The following ATM variants were observed in gnomAD, a reference collection of about 807,000 sequenced individuals.
The protein encoded by ATM is serine-protein kinase ATM.
A neutral mutation model predicts 387.0 loss-of-function variants in ATM; 308 were observed. That is an observed-to-expected ratio of 0.80 (90% CI 0.73 to 0.87). The LOEUF is 0.87. ATM is among the 40% of genes least tolerant of loss of function. The pLI, the probability that ATM is intolerant of heterozygous loss-of-function variation, is 0.00. For synonymous variants in ATM, 1,156 were observed against 1,187.3 expected (o/e 0.97, Z 0.54); for missense variants, 3,312 against 3,560.9 (o/e 0.93, Z 1.78).
At chr11:108,235,972 A>G (rs1209130556) in intron 5 of ATM, 138 bp downstream of exon 5, 4 of 911,968 alleles carry the variant, frequency 4.4e-6, no homozygotes, top group Non-Finnish European at 7.0e-6. Context: ...TTATATGGTT[A>G]TCGAACTGAC....
At position 108,325,438 on chromosome 11, in the gene ATM, T is replaced by A. The variant is rs1158183992; in HGVS notation, c.6701T>A (p.Leu2234Gln). ...MALRTVILEI[L>Q]MEKEMDNSQR... ...CTACGCACAGTCATTTTGGAGATCC[T>A]GATGGAAAAGGAAATGGACAACTCA... is the stretch of plus-strand genomic sequence containing the variant. Residue 2234 changes from leucine (L) to glutamine (Q), a missense_variant, in exon 46 of 63, where the codon CTG becomes CAG. Coordinates refer to ENST00000675843, the MANE Select transcript of ATM (RefSeq NM_000051.4). The A allele has an allele frequency of 1.2e-6, 2 of 1,613,598 alleles. No individual in the cohort carries two copies. The highest frequency in any genetic ancestry group is 2.7e-5 in the African/African-American group (2 of 74,876).
At chr11:108,310,659 T>G (rs1038190371) in intron 39 of ATM, among the ~76,000 whole-genome samples, 3 of 152,184 alleles carry the variant, frequency 2.0e-5, no homozygotes, top group Admixed American at 1.3e-4. Context: ...TTAAATTATT[T>G]CCTAACTTCA....
chr11:108,289,986 T>TGAGG, intron 29 of ATM, 185 bp downstream of exon 29: 1 of 558,666 alleles, frequency 1.8e-6, no homozygotes, highest in Non-Finnish European at 3.1e-6. Flanking sequence ...CCCTGCCGGG[T>TGAGG]AGCTGGGGCT....
chr11:108,286,570 A>T (rs1467477487), intron 26 of ATM, among the ~76,000 whole-genome samples: 3 of 152,130 alleles, frequency 2.0e-5, no homozygotes, highest in South Asian at 2.1e-4. Context: ...CTGATTGGTT[A>T]TAGGAGGGGA....
At chr11:108,297,940 G>A (rs531327090) in intron 33 of ATM, among the ~76,000 whole-genome samples, 1 of 152,222 alleles carries the variant, frequency 6.6e-6, no homozygotes, top group African/African-American at 2.4e-5. Context: ...CTTGTTTTTA[G>A]AGTTAAGTTG....
intron 37 of ATM, among the ~76,000 whole-genome samples, chr11:108,305,409 G>A (rs4988046): frequency 3.3e-5 from 5 of 152,018 alleles, no homozygotes; most frequent in South Asian, 2.1e-4. Flanking sequence ...GTGAAACCCC[G>A]TCCCTACTAA....
rs569919428 is a variant in ATM, at chr11:108,292,596, G to T, written c.4437-23G>T. The T allele has an allele frequency of 1.7e-5, 26 of 1,568,036 alleles. No homozygotes were observed. The East Asian group carries it at 4.4e-4, about 26-fold the overall frequency. The stretch of plus-strand genomic sequence containing the variant: ...TTTCCAGAACTTACTGGTTGTTGTT[G>T]TTTTTTTTTCTCCCTATATTAGGCC... On this transcript the variant is annotated intron_variant, in intron 29 of 62. Transcript: ENST00000675843.
chr11:108,272,389 T>A, intron 20 of ATM, 143 bp from the exon 21 acceptor site: 1 of 710,550 alleles, frequency 1.4e-6, no homozygotes, highest in Non-Finnish European at 2.4e-6. Flanking sequence ...GCAAGGTGAG[T>A]ATGTTGGCAT....
At chr11:108,282,651 C>A (rs2135684598) in intron 24 of ATM, 59 bp from the exon 25 acceptor site, 1 of 1,482,870 alleles carries the variant, frequency 6.7e-7, no homozygotes, top group Non-Finnish European at 9.4e-7. Flanking sequence ...TATTAACAAG[C>A]ATTTAAATGA....
At chr11:108,308,087 G>A in intron 38 of ATM, 103 bp downstream of exon 38, 1 of 1,077,534 alleles carries the variant, frequency 9.3e-7, no homozygotes. Context: ...GTGTTGCAAA[G>A]TGTTATATTT....
In ATM at chr11:108,281,106, G is replaced by T. The variant is rs779946941; in HGVS notation, c.3514G>T (p.Ala1172Ser). The T allele has an allele frequency of 6.2e-7, 1 of 1,613,824 alleles. No individual in the cohort carries two copies. Among genetic ancestry groups the T allele is most frequent in the African/African-American group, 1.3e-5 (1 of 74,884 alleles). The change falls in exon 24 of 63, where the codon GCT becomes TCT. Residue 1172 changes from alanine to serine, a missense_variant. Ala to Ser is a moderately conservative substitution (Grantham distance 99). Around this residue, in one of 4 missense-constraint regions of ATM, gnomAD observed 1,791 missense variants for 1,804.5 expected, o/e 0.99. Coordinates refer to ENST00000675843, the MANE Select transcript of ATM (RefSeq NM_000051.4). ...CTGTAGCCCTATCTGCGAAAAACAGGCTTTGTTTGCCCTGTGTAAATCTGT... is the reference window on the plus strand; with the variant it reads ...CTGTAGCCCTATCTGCGAAAAACAGTCTTTGTTTGCCCTGTGTAAATCTGT... ...LSCSPICEKQ[A>S]LFALCKSVKE...
chr11:108,299,598 T>A, intron 33 of ATM, 116 bp from the exon 34 acceptor site: 1 of 1,106,606 alleles, frequency 9.0e-7, no homozygotes, highest in Non-Finnish European at 1.4e-6. Flanking sequence ...CACTCGGCCT[T>A]AAGGTTAATT....
intron 26 of ATM, among the ~76,000 whole-genome samples, chr11:108,284,981 A>G (rs866150269): frequency 1.3e-5 from 2 of 151,932 alleles, no homozygotes; most frequent in Non-Finnish European, 2.9e-5. Context: ...TGTTTTTGAG[A>G]CAGAGTCTTA....
In ATM at chr11:108,244,138, T is replaced by A. The variant is rs1222553728; in HGVS notation, c.662+20T>A. On this transcript the variant is annotated intron_variant, in intron 6 of 62. Transcript: ENST00000675843. ...TGCGAGGTAATCTAATCTCTTTTTC[T>A]TTTGTTTTGTATTGAAATACTTTTG... 3.1e-6 allele frequency: 5 copies of A among 1,613,200 alleles called. No homozygotes were observed. The highest frequency in any genetic ancestry group is 4.2e-6 in the Non-Finnish European group (5 of 1,179,578).
At chr11:108,226,549 C>G (rs1279048517) in intron 1 of ATM, 1 of 152,138 alleles carries the variant, frequency 6.6e-6, no homozygotes. Context: ...TGTCATTTTA[C>G]TCCTATTGTT....
At chr11:108,352,094 A>T (rs1261990954) in intron 59 of ATM, among the ~76,000 whole-genome samples, 1 of 152,186 alleles carries the variant, frequency 6.6e-6, no homozygotes, top group Non-Finnish European at 1.5e-5. Flanking sequence ...GTAATAACTA[A>T]AAGGTGTAGG....
At chr11:108,270,645 CTGTGTGTG>C (rs546616992) in intron 18 of ATM, among the ~76,000 whole-genome samples, 3 of 150,870 alleles carry the variant, frequency 2.0e-5, no homozygotes, top group African/African-American at 7.3e-5. Flanking sequence ...ATATTTACAG[CTGTGTGTG>C]TGTGTGTATG....
chr11:108,362,634 T>G (rs1288159310), intron 61 of ATM, among the ~76,000 whole-genome samples: 1 of 148,594 alleles, frequency 6.7e-6, no homozygotes, highest in East Asian at 2.0e-4. Context: ...AAATGATGAG[T>G]TCATGTCCTT....
At chr11:108,277,038 T>C (rs2081984574) in intron 22 of ATM, among the ~76,000 whole-genome samples, 1 of 152,172 alleles carries the variant, frequency 6.6e-6, no homozygotes. Context: ...CTGGGGCTGC[T>C]GCCTGTCTTT....
Sources: gnomAD v4.1 joint callset for allele counts (sites outside exome capture counted in the v4.1 genomes callset) on GRCh38, gnomAD v4.1.1 for gene constraint, gnomAD v4.1.1 regional missense constraint, MANE v1.5 for transcripts, NCBI Gene and HGNC (gene_info 2026-07-23, HGNC 2026-07-21) for gene names.